Variants in NALF1 observed in about 807,000 individuals in gnomAD.
The protein encoded by NALF1 is NALCN channel auxiliary factor 1.
NALF1 carries 3 observed loss-of-function variants against 48.4 expected under a neutral mutation model. That is an observed-to-expected ratio of 0.06 (90% CI 0.03 to 0.16). The LOEUF (loss-of-function observed/expected upper bound fraction) is 0.16. Among genes scored for constraint, NALF1 ranks in the 10% least tolerant of loss-of-function variants. NALF1 has a pLI of 1.00. For missense variants in NALF1, 526 were observed against 571.5 expected, an observed-to-expected ratio of 0.92 and a Z score of 0.81; for synonymous variants, 262 against 245.7, an observed-to-expected ratio of 1.07 and a Z score of -0.62.
intron 2 of NALF1, among the ~76,000 whole-genome samples, chr13:107,187,467 G>A (rs1354196229): frequency 6.6e-6 from 1 of 152,126 alleles, no homozygotes; most frequent in Non-Finnish European, 1.5e-5. Context: ...CAGGGTGAGG[G>A]GATGGGAAAC....
intron 1 of NALF1, among the ~76,000 whole-genome samples, chr13:107,610,543 T>C (rs1252609448): frequency 6.6e-6 from 1 of 152,236 alleles, no homozygotes; most frequent in Non-Finnish European, 1.5e-5. Context: ...AAATACAATA[T>C]GTGTGCAGAT....
intron 1 of NALF1, among the ~76,000 whole-genome samples, chr13:107,385,279 G>A (rs1296022852): frequency 6.6e-6 from 1 of 152,054 alleles, no homozygotes; most frequent in Non-Finnish European, 1.5e-5. Context: ...CTGGCAGGGC[G>A]CAGTGGCTCA....
At chr13:107,679,862 A>C (rs1381926737) in intron 1 of NALF1, among the ~76,000 whole-genome samples, 1 of 152,234 alleles carries the variant, frequency 6.6e-6, no homozygotes, top group Non-Finnish European at 1.5e-5. Context: ...TTAAAGCCTC[A>C]AAGCTCTGCA....
intron 1 of NALF1, among the ~76,000 whole-genome samples, chr13:107,621,847 T>G (rs1303977459): frequency 1.3e-5 from 2 of 152,142 alleles, no homozygotes; most frequent in African/African-American, 4.8e-5. Context: ...GATGCAAGCT[T>G]AAGTCTAGAT....
chr13:107,285,088 C>T (rs941559018), intron 1 of NALF1, among the ~76,000 whole-genome samples: 1 of 152,120 alleles, frequency 6.6e-6, no homozygotes, highest in African/African-American at 2.4e-5. Flanking sequence ...GGACCTGTGG[C>T]ATATATTATA....
chr13:107,449,857 A>G (rs1263439624), intron 1 of NALF1, among the ~76,000 whole-genome samples: 2 of 152,200 alleles, frequency 1.3e-5, no homozygotes, highest in Non-Finnish European at 2.9e-5. Flanking sequence ...CAGTTAAGGA[A>G]ACAGAGTCAC....
intron 1 of NALF1, among the ~76,000 whole-genome samples, chr13:107,320,377 C>A (rs1354244348): frequency 6.6e-6 from 1 of 152,138 alleles, no homozygotes; most frequent in Admixed American, 6.6e-5. Context: ...CCAACAAAAT[C>A]ATCTTCTTTT....
At chr13:107,350,944 C>A (rs990336199) in intron 1 of NALF1, among the ~76,000 whole-genome samples, 7 of 152,256 alleles carry the variant, frequency 4.6e-5, no homozygotes, top group Non-Finnish European at 8.8e-5. Context: ...ATGACAACTA[C>A]CAAAGAGTTA....
chr13:107,556,461 AATTC>A (rs1877487350), intron 1 of NALF1, among the ~76,000 whole-genome samples: 1 of 151,692 alleles, frequency 6.6e-6, no homozygotes, highest in African/African-American at 2.4e-5. Flanking sequence ...AGCCACACTG[AATTC>A]ATTATCTGTT....
At chr13:107,843,197 G>A (rs919579001) in intron 1 of NALF1, among the ~76,000 whole-genome samples, 35 of 152,152 alleles carry the variant, frequency 2.3e-4, no homozygotes, top group African/African-American at 7.2e-4. Context: ...TATTCTAAGC[G>A]TTTTATTTAT....
chr13:107,505,400 G>C (rs1160953486), intron 1 of NALF1, among the ~76,000 whole-genome samples: 2 of 152,162 alleles, frequency 1.3e-5, no homozygotes, highest in African/African-American at 4.8e-5. Flanking sequence ...ATGGTACATA[G>C]TCTATTTTGT....
At chr13:107,419,269 T>C (rs1254903060) in intron 1 of NALF1, among the ~76,000 whole-genome samples, 1 of 152,222 alleles carries the variant, frequency 6.6e-6, no homozygotes, top group Admixed American at 6.5e-5. Flanking sequence ...TTCCCCAAAT[T>C]ATATACGTTT....
chr13:107,545,174 T>G (rs567329476), intron 1 of NALF1, among the ~76,000 whole-genome samples: 1 of 152,228 alleles, frequency 6.6e-6, no homozygotes, highest in Non-Finnish European at 1.5e-5. Flanking sequence ...AGCATTCACA[T>G]AAGATGAAGA....
At chr13:107,292,994 T>TTTTC (rs1170940121) in intron 1 of NALF1, among the ~76,000 whole-genome samples, 7 of 68,506 alleles carry the variant, frequency 1.0e-4, no homozygotes, top group African/African-American at 2.2e-4. Context: ...TTCTTTTTCT[T>TTTTC]TTTTTTTTTT....
At chr13:107,568,640 T>C (rs909510284) in intron 1 of NALF1, among the ~76,000 whole-genome samples, 33 of 152,212 alleles carry the variant, frequency 2.2e-4, no homozygotes, top group African/African-American at 2.4e-4. Flanking sequence ...TTTTAGTCAC[T>C]CTAATAGATA....
intron 1 of NALF1, among the ~76,000 whole-genome samples, chr13:107,481,790 T>C (rs1885257986): frequency 6.6e-6 from 1 of 152,158 alleles, no homozygotes; most frequent in African/African-American, 2.4e-5. Flanking sequence ...GAAGGGCCCC[T>C]AGAGGACAGG....
chr13:107,862,334 T>C (rs73590905), intron 1 of NALF1, among the ~76,000 whole-genome samples: 2,609 of 152,296 alleles, frequency 0.017, 42 homozygotes, highest in Middle Eastern at 0.038. Context: ...ATGTTTATAA[T>C]AAATATTTGT....
intron 1 of NALF1, among the ~76,000 whole-genome samples, chr13:107,454,904 A>T (rs1196302126): frequency 6.6e-6 from 1 of 152,152 alleles, no homozygotes; most frequent in Non-Finnish European, 1.5e-5. Flanking sequence ...TTGTTTGCTA[A>T]GAGTTAAATC....
intron 1 of NALF1, among the ~76,000 whole-genome samples, chr13:107,320,646 T>C (rs1052126682): frequency 6.6e-6 from 1 of 152,126 alleles, no homozygotes; most frequent in Admixed American, 6.6e-5. Context: ...GTAAAGAATG[T>C]TGGTTTATGG....
Sources: allele counts gnomAD v4.1 joint callset (sites outside exome capture counted in the v4.1 genomes callset), GRCh38; gene constraint gnomAD v4.1.1; transcripts MANE v1.5; gene names NCBI Gene and HGNC (gene_info 2026-07-23, HGNC 2026-07-21).